The following BTAF1 variants were observed in gnomAD, a reference collection of about 807,000 sequenced individuals.
BTAF1 encodes the protein B-TFIID TATA-box binding protein associated factor 1, also known as TATA-binding protein-associated factor 172.
Under a neutral mutation model 227.1 loss-of-function variants are expected in BTAF1, and 38 were observed. The observed-to-expected ratio is 0.17, with a 90% CI of 0.13 to 0.22. The LOEUF (loss-of-function observed/expected upper bound fraction) is 0.22, where lower values mean the gene tolerates loss of function less well. Ranked by LOEUF, BTAF1 falls within the 10% of genes least tolerant of loss-of-function variation. BTAF1 has a pLI of 1.00. For synonymous variants in BTAF1, 742 were observed against 751.9 expected, an observed-to-expected ratio of 0.99 and a Z score of 0.21; for missense variants, 1,598 against 2,204.0, an observed-to-expected ratio of 0.73 and a Z score of 5.51.
intron 20 of BTAF1, among the ~76,000 whole-genome samples, chr10:91,990,190 TA>T (rs5786983): frequency 0.32 from 48,501 of 152,142 alleles, 8,855 homozygotes; most frequent in South Asian, 0.52. Context: ...GTGTGATTGT[TA>T]ACAAGATTTT....
chr10:91,954,738 T>C (rs1845981425), intron 6 of BTAF1, among the ~76,000 whole-genome samples: 1 of 152,108 alleles, frequency 6.6e-6, no homozygotes, highest in Non-Finnish European at 1.5e-5. Flanking sequence ...TTAAATTTTT[T>C]GTAGACATAA....
chr10:91,930,650 T>C (rs1025730774), intron 1 of BTAF1, among the ~76,000 whole-genome samples: 2 of 152,214 alleles, frequency 1.3e-5, no homozygotes, highest in African/African-American at 4.8e-5. Flanking sequence ...TTGGAAGTTG[T>C]TTCTTTTGAC....
intron 28 of BTAF1, among the ~76,000 whole-genome samples, chr10:92,010,252 C>T (rs570778190): frequency 4.6e-5 from 7 of 152,308 alleles, no homozygotes; most frequent in African/African-American, 1.7e-4. Flanking sequence ...GCTTTGAATA[C>T]AGTCAGCTCA....
intron 1 of BTAF1, 93 bp from the exon 2 acceptor site, chr10:91,935,560 CTTCA>C: frequency 1.5e-6 from 2 of 1,333,182 alleles, no homozygotes; most frequent in Non-Finnish European, 2.0e-6. Flanking sequence ...TAGCGTAGGT[CTTCA>C]TTCATAGCAT....
chr10:91,954,762 T>C (rs766166229), intron 6 of BTAF1, among the ~76,000 whole-genome samples: 1 of 152,144 alleles, frequency 6.6e-6, no homozygotes, highest in Non-Finnish European at 1.5e-5. Flanking sequence ...CTTCCTATGT[T>C]GCCTAGGCTG....
At chr10:92,020,629 C>T (rs1851059694) in intron 34 of BTAF1, among the ~76,000 whole-genome samples, 1 of 152,164 alleles carries the variant, frequency 6.6e-6, no homozygotes, top group South Asian at 2.1e-4. Context: ...GTAAAATGGA[C>T]TATGAACTTT....
At chr10:91,933,889 T>C (rs898864801) in intron 1 of BTAF1, among the ~76,000 whole-genome samples, 3 of 152,152 alleles carry the variant, frequency 2.0e-5, no homozygotes, top group African/African-American at 2.4e-5. Flanking sequence ...ATTTGAGATA[T>C]TGGAGAAAGG....
At chr10:92,009,955 A>G (rs1217520591) in intron 28 of BTAF1, among the ~76,000 whole-genome samples, 1 of 152,234 alleles carries the variant, frequency 6.6e-6, no homozygotes, top group Non-Finnish European at 1.5e-5. Flanking sequence ...CTGTGTTAAT[A>G]ATAGCAAATA....
At chr10:92,001,981 T>TAC (rs1225598895) in intron 25 of BTAF1, among the ~76,000 whole-genome samples, 2,315 of 92,774 alleles carry the variant, frequency 0.025, 37 homozygotes, top group Middle Eastern at 0.042. Flanking sequence ...TATATATATA[T>TAC]ATATACACAC....
intron 19 of BTAF1, among the ~76,000 whole-genome samples, chr10:91,988,082 C>T (rs72825305): frequency 0.14 from 21,210 of 152,194 alleles, 1,603 homozygotes; most frequent in Middle Eastern, 0.2. Flanking sequence ...GTGTTATCCT[C>T]CTCTGACAAG....
intron 28 of BTAF1, among the ~76,000 whole-genome samples, chr10:92,009,979 ATGT>A (rs762158012): frequency 2.0e-5 from 3 of 152,172 alleles, no homozygotes; most frequent in Admixed American, 6.5e-5. Context: ...TTATTAAATA[ATGT>A]TGTTATTAAA....
chr10:91,991,279 T>TATATATAAAA (rs1554860281), intron 20 of BTAF1, among the ~76,000 whole-genome samples: 1 of 98,438 alleles, frequency 1.0e-5, no homozygotes. Flanking sequence ...TAAATATATA[T>TATATATAAAA]ATATATATAT....
intron 32 of BTAF1, among the ~76,000 whole-genome samples, chr10:92,015,185 G>A (rs1266529793): frequency 2.6e-5 from 4 of 152,158 alleles, no homozygotes; most frequent in African/African-American, 9.7e-5. Flanking sequence ...ATTATTAAAG[G>A]AATTTATTGT....
chr10:91,961,624 C>A (rs1384424332), intron 11 of BTAF1, among the ~76,000 whole-genome samples: 1 of 152,036 alleles, frequency 6.6e-6, no homozygotes, highest in Non-Finnish European at 1.5e-5. Context: ...TAAACAAAAC[C>A]TTTTTTTCTG....
rs780190883 is a variant in BTAF1, at chr10:91,997,686, A to G, written c.3595A>G (p.Thr1199Ala). 2.7e-5 allele frequency: 43 copies of G among 1,613,996 alleles called. No individual in the cohort carries two copies. The highest frequency in any genetic ancestry group is 1.7e-6 in the Non-Finnish European group (2 of 1,179,986). ...VPVLGRMSDQTDSVRFMATQC... is the reference protein window; with the variant it reads ...VPVLGRMSDQADSVRFMATQC... ...TGTATTAGGAAGAATGAGTGATCAG[A>G]CAGACAGTGTGAGATTCATGGCCAC... Residue 1199 changes from threonine to alanine, a missense_variant, in exon 25 of 38, where the codon ACA becomes GCA. Coordinates refer to ENST00000265990, the MANE Select transcript of BTAF1 (RefSeq NM_003972.3).
chr10:91,968,230 A>G (rs1225017061), intron 14 of BTAF1, among the ~76,000 whole-genome samples: 1 of 152,074 alleles, frequency 6.6e-6, no homozygotes, highest in Non-Finnish European at 1.5e-5. Flanking sequence ...TCAACCCTTA[A>G]CAGCCACTGA....
chr10:91,991,797 G>GTGTGTGTA (rs1554860529), intron 20 of BTAF1, among the ~76,000 whole-genome samples: 2 of 10,006 alleles, frequency 2.0e-4, no homozygotes, highest in African/African-American at 3.7e-4. Flanking sequence ...GTGTGTGTGT[G>GTGTGTGTA]TATATATATA....
At chr10:91,959,611 A>G (rs1846348113) in intron 9 of BTAF1, among the ~76,000 whole-genome samples, 174 bp from the exon 10 acceptor site, 2 of 151,824 alleles carry the variant, frequency 1.3e-5, no homozygotes, top group Admixed American at 6.6e-5. Flanking sequence ...TTGTTCCTAC[A>G]GCTAAAATCT....
At position 92,024,806 on chromosome 10, in the gene BTAF1, A is replaced by G. The variant is rs1305778428; in HGVS notation, c.4914A>G (p.Thr1638=). Residue 1638 remains threonine, a synonymous_variant, in exon 35 of 38, where the codon ACA becomes ACG. Coordinates refer to ENST00000265990, the MANE Select transcript of BTAF1 (RefSeq NM_003972.3). ...LGNGSTSESG[T]ESVVAQHRIL... Reference sequence around the variant, plus strand: ...ATGGCAGCACTTCCGAGAGTGGCACAGAGTCTGTTGTGGCCCAGCACAGGA... The same window carrying G: ...ATGGCAGCACTTCCGAGAGTGGCACGGAGTCTGTTGTGGCCCAGCACAGGA... The G allele has an allele frequency of 6.2e-7, 1 of 1,613,078 alleles. No homozygotes were observed. Among genetic ancestry groups the G allele is most frequent in the Non-Finnish European group, 8.5e-7 (1 of 1,179,886 alleles).
Sources: gnomAD v4.1 joint callset for allele counts (sites outside exome capture counted in the v4.1 genomes callset) on GRCh38, gnomAD v4.1.1 for gene constraint, MANE v1.5 for transcripts, NCBI Gene and HGNC (gene_info 2026-07-23, HGNC 2026-07-21) for gene names.